KCNQ5: variants seen among roughly 807,000 people sequenced by gnomAD.
KCNQ5 encodes potassium voltage-gated channel subfamily Q member 5, also known as potassium voltage-gated channel subfamily KQT member 5.
KCNQ5 carries 30 observed loss-of-function variants against 98.2 expected under a neutral mutation model. The observed-to-expected ratio is 0.31, with a 90% CI of 0.23 to 0.41. The LOEUF (loss-of-function observed/expected upper bound fraction) is 0.41, where lower values mean the gene tolerates loss of function less well. Among genes scored for constraint, KCNQ5 ranks in the 10% least tolerant of loss-of-function variants. The pLI is 1.00. For synonymous variants in KCNQ5, 458 were observed against 449.4 expected (o/e 1.02, Z -0.24); for missense variants, 835 against 1,182.5 (o/e 0.71, Z 4.31).
intron 1 of KCNQ5, among the ~76,000 whole-genome samples, chr6:72,780,757 T>C (rs1017737579): frequency 2.0e-5 from 3 of 152,156 alleles, no homozygotes; most frequent in African/African-American, 7.2e-5. Context: ...ATTTGAGTTT[T>C]GCAAACATGA....
chr6:72,981,236 C>T (rs1236249008), intron 1 of KCNQ5, among the ~76,000 whole-genome samples: 1 of 152,144 alleles, frequency 6.6e-6, no homozygotes, highest in African/African-American at 2.4e-5. Context: ...AGAAATGGTA[C>T]CAGCTCCTCT....
At chr6:72,698,377 G>GT (rs1768612834) in intron 1 of KCNQ5, among the ~76,000 whole-genome samples, 1 of 151,786 alleles carries the variant, frequency 6.6e-6, no homozygotes, top group African/African-American at 2.4e-5. Context: ...CTAATTTTGT[G>GT]TTTTGAGTAG....
chr6:72,987,662 G>C (rs1004244981), intron 1 of KCNQ5: 3 of 617,152 alleles, frequency 4.9e-6, no homozygotes, highest in Non-Finnish European at 5.8e-6. Context: ...AAGTACAGCC[G>C]CGGAGCCCGT....
At position 72,910,561 on chromosome 6, in the gene KCNQ5, GGGGTGTGTGT is replaced by G. The variant is rs1422402671; in HGVS notation, c.399-93345_399-93336del. On this transcript the variant is annotated intron_variant, in intron 1 of 13. Coordinates refer to ENST00000370398, the MANE Select transcript of KCNQ5 (RefSeq NM_019842.4). ...AACTCTTATAGAATGGAAAGGTAGG[GGGGTGTGTGT>G]GTGTGTGTGTGTGTGTGTGTGTGTG... Among the ~76,000 whole-genome samples, 455 of 102,980 alleles carry G rather than the reference GGGGTGTGTGT, an allele frequency of 4.4e-3. 4 individuals are homozygous for G. Among genetic ancestry groups the G allele is most frequent in the African/African-American group, 0.014 (363 of 26,758 alleles). The allele number at this position is 102,980 out of a possible 152,430, so 67.6% of individuals were successfully genotyped here.
At chr6:72,639,073 T>C (rs1287143290) in intron 1 of KCNQ5, among the ~76,000 whole-genome samples, 2 of 152,116 alleles carry the variant, frequency 1.3e-5, no homozygotes, top group Non-Finnish European at 2.9e-5. Context: ...TGTTTGGGCT[T>C]TGGGAAAGAC....
intron 1 of KCNQ5, among the ~76,000 whole-genome samples, chr6:72,624,607 G>T (rs1392677775): frequency 6.6e-6 from 1 of 152,198 alleles, no homozygotes; most frequent in African/African-American, 2.4e-5. Context: ...TTCAAGGTTG[G>T]ATACTTCTCT....
intron 5 of KCNQ5, among the ~76,000 whole-genome samples, chr6:73,080,909 A>T (rs1773737233): frequency 6.6e-6 from 1 of 152,146 alleles, no homozygotes; most frequent in African/African-American, 2.4e-5. Flanking sequence ...TCATGGTGGG[A>T]TCAGTGCTGC....
intron 3 of KCNQ5, among the ~76,000 whole-genome samples, chr6:73,063,480 C>T (rs1001820283): frequency 5.3e-5 from 8 of 152,014 alleles, no homozygotes; most frequent in Non-Finnish European, 1.0e-4. Flanking sequence ...TTGCAGCGTT[C>T]ATAAACAGCA....
intron 10 of KCNQ5, among the ~76,000 whole-genome samples, chr6:73,145,657 G>A (rs1355490255): frequency 6.6e-6 from 1 of 152,082 alleles, no homozygotes; most frequent in Middle Eastern, 3.2e-3. Flanking sequence ...GATGATTTTG[G>A]GGTTAACATG....
intron 1 of KCNQ5, among the ~76,000 whole-genome samples, chr6:72,799,082 T>C (rs1305944313): frequency 1.3e-5 from 2 of 152,078 alleles, no homozygotes; most frequent in Admixed American, 6.6e-5. Context: ...TTTATTTATA[T>C]AGAGAGACAG....
At chr6:72,716,872 G>A (rs894680529) in intron 1 of KCNQ5, among the ~76,000 whole-genome samples, 2 of 152,116 alleles carry the variant, frequency 1.3e-5, no homozygotes, top group Admixed American at 6.5e-5. Context: ...TTTCCTCAAT[G>A]CCATCTCAAA....
chr6:72,854,721 TACACACACACACACAC>T (rs59899899), intron 1 of KCNQ5, among the ~76,000 whole-genome samples: 5 of 126,826 alleles, frequency 3.9e-5, no homozygotes, highest in Non-Finnish European at 6.7e-5. Context: ...TCTTTCTTTG[TACACACACACACACAC>T]ACACACACAC....
intron 1 of KCNQ5, among the ~76,000 whole-genome samples, chr6:73,003,196 A>G (rs557498596): frequency 2.8e-4 from 42 of 152,298 alleles, no homozygotes; most frequent in African/African-American, 9.1e-4. Flanking sequence ...AGGAATAAAA[A>G]TATCTGTAGA....
chr6:73,006,720 G>A (rs562769724), intron 2 of KCNQ5, among the ~76,000 whole-genome samples: 9 of 152,248 alleles, frequency 5.9e-5, no homozygotes, highest in South Asian at 2.1e-4. Context: ...TACACTTTTC[G>A]TGTACACTGT....
chr6:72,634,225 C>T lies in KCNQ5; in HGVS notation c.398+11638C>T, dbSNP rs185570381. Among the ~76,000 whole-genome samples the T allele has an allele frequency of 6.1e-3, 922 of 152,222 alleles. 33 individuals are homozygous for T. The highest frequency in any genetic ancestry group is 0.056 in the Admixed American group (851 of 15,296). ...AATAAATGAATTATAGTTAAAATGC[C>T]TTATTACCTAGAATCAAGGAATTAC... is the stretch of plus-strand genomic sequence containing the variant. On this transcript the variant is annotated intron_variant, in intron 1 of 13. Coordinates refer to ENST00000370398, the MANE Select transcript of KCNQ5 (RefSeq NM_019842.4).
chr6:72,679,582 G>A, intron 1 of KCNQ5, among the ~76,000 whole-genome samples: 1 of 112,584 alleles, frequency 8.9e-6, no homozygotes. Context: ...GTGGGGTGGG[G>A]GGAGGGGAGA....
chr6:72,742,697 T>C (rs990988678), intron 1 of KCNQ5, among the ~76,000 whole-genome samples: 1 of 152,246 alleles, frequency 6.6e-6, no homozygotes, highest in Non-Finnish European at 1.5e-5. Flanking sequence ...CTATTTTTAA[T>C]GGACAGGTAA....
chr6:72,783,935 T>C (rs1208879078), intron 1 of KCNQ5, among the ~76,000 whole-genome samples: 1 of 152,190 alleles, frequency 6.6e-6, no homozygotes, highest in Non-Finnish European at 1.5e-5. Context: ...ACAAGGCTTG[T>C]GTGGGTTTAC....
intron 1 of KCNQ5, among the ~76,000 whole-genome samples, chr6:72,649,244 C>G (rs900228864): frequency 6.6e-6 from 1 of 152,128 alleles, no homozygotes; most frequent in African/African-American, 2.4e-5. Context: ...TGGATCACAG[C>G]CTCTTTCAGA....
Sources: allele counts gnomAD v4.1 joint callset (sites outside exome capture counted in the v4.1 genomes callset), GRCh38; gene constraint gnomAD v4.1.1; transcripts MANE v1.5; gene names NCBI Gene and HGNC (gene_info 2026-07-23, HGNC 2026-07-21).